The following ALMS1 variants were observed in gnomAD, a reference collection of about 807,000 sequenced individuals.
ALMS1 encodes the protein ALMS1 centrosome and basal body associated protein.
ALMS1 carries 271 observed loss-of-function variants against 352.2 expected under a neutral mutation model. The observed-to-expected ratio is 0.77, with a 90% CI of 0.70 to 0.85. The LOEUF (loss-of-function observed/expected upper bound fraction) is 0.85. ALMS1 is among the 40% of genes least tolerant of loss of function. The pLI is 0.00. For missense variants in ALMS1, 5,445 were observed against 4,870.7 expected, an observed-to-expected ratio of 1.12 and a Z score of -3.51; for synonymous variants, 1,865 against 1,761.2, an observed-to-expected ratio of 1.06 and a Z score of -1.48.
At chr2:73,483,519 T>C (rs1353348533) in intron 9 of ALMS1, among the ~76,000 whole-genome samples, 4 of 151,730 alleles carry the variant, frequency 2.6e-5, no homozygotes, top group East Asian at 3.9e-4. Context: ...GGAATAGGTG[T>C]GGTGTGGTGC....
At chr2:73,498,943 C>A (rs1673165889) in intron 10 of ALMS1, among the ~76,000 whole-genome samples, 1 of 152,142 alleles carries the variant, frequency 6.6e-6, no homozygotes, top group Admixed American at 6.5e-5. Context: ...GATTTCCTTT[C>A]TTTTGGGTAT....
intron 9 of ALMS1, among the ~76,000 whole-genome samples, chr2:73,481,944 C>A (rs1161812107): frequency 6.6e-6 from 1 of 151,942 alleles, no homozygotes; most frequent in African/African-American, 2.4e-5. Context: ...TGAGACTTTG[C>A]TGAAGTTGCT....
At chr2:73,556,007 A>AAACATCCAG (rs1674533830) in intron 13 of ALMS1, among the ~76,000 whole-genome samples, 3 of 152,170 alleles carry the variant, frequency 2.0e-5, no homozygotes, top group Non-Finnish European at 2.9e-5. Context: ...CATCCTTGAT[A>AAACATCCAG]TTGATAAACT....
chr2:73,606,156 C>T (rs6546851), intron 21 of ALMS1, among the ~76,000 whole-genome samples: 57,595 of 152,014 alleles, frequency 0.38, 15,149 homozygotes, highest in African/African-American at 0.75. Flanking sequence ...TCTTTATTTC[C>T]CATTAAAAAT....
chr2:73,467,231 A>T (rs1672374634), intron 9 of ALMS1, among the ~76,000 whole-genome samples: 1 of 152,152 alleles, frequency 6.6e-6, no homozygotes, highest in Non-Finnish European at 1.5e-5. Context: ...TATTTCGGAT[A>T]CATATATTTG....
Position 73,452,235 on chromosome 2 carries a change from G to A in ALMS1, c.5708G>A (p.Ser1903Asn), listed in dbSNP as rs745637473. 9 of 1,613,996 alleles carry A rather than the reference G, an allele frequency of 5.6e-6. No individual in the cohort carries two copies. The East Asian group carries it at 2.0e-4, about 36-fold the overall frequency. Residue 1903 changes from serine to asparagine, a missense_variant, in exon 8 of 23, where the codon AGT (serine) becomes AAT (asparagine). Physicochemically the swap from Ser to Asn is conservative, Grantham distance 46. Transcript: ENST00000613296. ...TCCTACTCAAATAGAGAGAAGGCCA[G>A]TATTTTTCATCAGCAGGAGTTGCCA... The part of the protein sequence containing the change: ...SSSYSNREKA[S>N]IFHQQELPDV...
At chr2:73,579,060 A>ATTTTTTTTT (rs1675113474) in intron 16 of ALMS1, among the ~76,000 whole-genome samples, 2 of 79,530 alleles carry the variant, frequency 2.5e-5, no homozygotes, top group African/African-American at 2.1e-4. Flanking sequence ...TTTCTCCTTT[A>ATTTTTTTTT]TTCTTTTTTT....
At chr2:73,525,905 T>A (rs144823569) in intron 11 of ALMS1, among the ~76,000 whole-genome samples, 15 of 152,354 alleles carry the variant, frequency 9.8e-5, no homozygotes, top group African/African-American at 3.4e-4. Flanking sequence ...GTTTCATAGC[T>A]TGAGGTCTTA....
At chr2:73,408,822 T>C (rs1269764381) in intron 2 of ALMS1, 75 bp downstream of exon 2, 2 of 1,409,838 alleles carry the variant, frequency 1.4e-6, no homozygotes, top group Non-Finnish European at 2.0e-6. Flanking sequence ...CTATGAAGAA[T>C]GGAAAAATAA....
chr2:73,436,509 A>G (rs907531728), intron 7 of ALMS1, among the ~76,000 whole-genome samples: 2 of 152,104 alleles, frequency 1.3e-5, no homozygotes, highest in African/African-American at 4.8e-5. Flanking sequence ...CTCTTGCATC[A>G]CAGTCCACAT....
At chr2:73,495,636 T>C (rs1283053940) in intron 10 of ALMS1, among the ~76,000 whole-genome samples, 1 of 152,210 alleles carries the variant, frequency 6.6e-6, no homozygotes, top group East Asian at 1.9e-4. Flanking sequence ...TTGCTGTGTC[T>C]AGCCTTTCTC....
intron 16 of ALMS1, among the ~76,000 whole-genome samples, chr2:73,591,752 A>G (rs1675437431): frequency 6.6e-6 from 1 of 152,200 alleles, no homozygotes; most frequent in Admixed American, 6.5e-5. Flanking sequence ...CCAAGAGGAA[A>G]CATATTTGGG....
chr2:73,506,334 G>A (rs1453952045), intron 10 of ALMS1, among the ~76,000 whole-genome samples: 1 of 152,132 alleles, frequency 6.6e-6, no homozygotes, highest in East Asian at 1.9e-4. Context: ...GAAAGTCAAT[G>A]GTAGCTTGAT....
chr2:73,420,141 G>T (rs908415873), intron 3 of ALMS1, among the ~76,000 whole-genome samples: 1 of 152,098 alleles, frequency 6.6e-6, no homozygotes, highest in Non-Finnish European at 1.5e-5. Context: ...ATATTTGAAG[G>T]GCTGTTATGC....
intron 10 of ALMS1, among the ~76,000 whole-genome samples, chr2:73,511,633 C>T (rs1054399486): frequency 6.6e-6 from 1 of 152,142 alleles, no homozygotes. Context: ...CCGGGAATCC[C>T]TCATGTACTT....
chr2:73,412,711 G>A (rs942539796), intron 2 of ALMS1, among the ~76,000 whole-genome samples: 2 of 152,098 alleles, frequency 1.3e-5, no homozygotes, highest in African/African-American at 2.4e-5. Context: ...CAGGAGAATC[G>A]CTTGAACCTG....
intron 12 of ALMS1, among the ~76,000 whole-genome samples, chr2:73,544,627 A>C (rs1437928543): frequency 1.3e-5 from 2 of 152,230 alleles, no homozygotes; most frequent in African/African-American, 4.8e-5. Flanking sequence ...TGGTATAGCC[A>C]TTACGGAAAA....
In ALMS1 at chr2:73,385,842, C is replaced by T. The variant is rs554379302; in HGVS notation, c.-27C>T. 570 of 707,714 alleles carry T rather than the reference C, an allele frequency of 8.1e-4. 8 individuals are homozygous for T. The South Asian group carries it at 8.5e-3, about 11-fold the overall frequency. 43.8% of individuals were successfully genotyped at this position (707,714 alleles called of 1,614,324 possible). A position where few individuals can be genotyped will look rare whatever the true frequency, so the allele number is the denominator to read the frequency against. On this transcript the variant is annotated 5_prime_UTR_variant, in exon 1 of 23. Coordinates refer to ENST00000613296, the MANE Select transcript of ALMS1 (RefSeq NM_001378454.1). The stretch of plus-strand genomic sequence containing the variant: ...CCTCCCTCCCCCCCTCCTCCTCCTC[C>T]TCTGCCGCCCAGAGCGAGACACCAA...
At chr2:73,439,253 C>T (rs1671668304) in intron 7 of ALMS1, among the ~76,000 whole-genome samples, 1 of 151,492 alleles carries the variant, frequency 6.6e-6, no homozygotes, top group South Asian at 2.1e-4. Flanking sequence ...GTAGCTAGGA[C>T]TATAAATGCA....
Sources: allele counts gnomAD v4.1 joint callset (sites outside exome capture counted in the v4.1 genomes callset), GRCh38; gene constraint gnomAD v4.1.1; transcripts MANE v1.5; gene names NCBI Gene and HGNC (gene_info 2026-07-23, HGNC 2026-07-21).